ARHGAP28: variants seen among roughly 807,000 people sequenced by gnomAD.
The protein encoded by ARHGAP28 is Rho GTPase activating protein 28, also known as rho GTPase-activating protein 28.
Under a neutral mutation model 90.7 loss-of-function variants are expected in ARHGAP28, and 56 were observed. That is an observed-to-expected ratio of 0.62 (90% CI 0.50 to 0.77). The LOEUF (loss-of-function observed/expected upper bound fraction) is 0.77, where lower values mean the gene tolerates loss of function less well. ARHGAP28 is among the 30% of genes least tolerant of loss of function. The pLI is 0.00. For synonymous variants in ARHGAP28, 308 were observed against 323.3 expected (o/e 0.95, Z 0.51); for missense variants, 869 against 900.9 (o/e 0.96, Z 0.45).
chr18:6,750,286 G>A (rs2056058734), intron 1 of ARHGAP28, among the ~76,000 whole-genome samples: 1 of 152,088 alleles, frequency 6.6e-6, no homozygotes, highest in African/African-American at 2.4e-5. Flanking sequence ...AGTGAAGTAT[G>A]GTAATGTCAG....
intron 1 of ARHGAP28, among the ~76,000 whole-genome samples, chr18:6,810,222 C>A (rs2056546956): frequency 6.6e-6 from 1 of 152,048 alleles, no homozygotes; most frequent in African/African-American, 2.4e-5. Flanking sequence ...CTCAGAATTG[C>A]ATCAGCCCAT....
chr18:6,801,830 G>T (rs538491072), intron 1 of ARHGAP28, among the ~76,000 whole-genome samples: 1 of 151,764 alleles, frequency 6.6e-6, no homozygotes, highest in Non-Finnish European at 1.5e-5. Flanking sequence ...TAGCCCACCG[G>T]TCACCTTACT....
chr18:6,898,404 C>T (rs1408294707), intron 16 of ARHGAP28: 3 of 1,087,910 alleles, frequency 2.8e-6, no homozygotes, highest in African/African-American at 3.1e-5. Flanking sequence ...CATATACACA[C>T]ACACATTAAC....
intron 10 of ARHGAP28, 50 bp downstream of exon 10, chr18:6,876,258 C>T (rs760665719): frequency 3.7e-6 from 5 of 1,352,394 alleles, no homozygotes; most frequent in Non-Finnish European, 5.3e-6. Context: ...CTAGCTAGAC[C>T]CAGTTCACAC....
chr18:6,801,267 T>C (rs2056479764), intron 1 of ARHGAP28, among the ~76,000 whole-genome samples: 1 of 152,208 alleles, frequency 6.6e-6, no homozygotes, highest in African/African-American at 2.4e-5. Flanking sequence ...ATTGAAAAGA[T>C]GATCTTTTCC....
chr18:6,814,467 A>G (rs769635760), intron 1 of ARHGAP28, among the ~76,000 whole-genome samples: 5 of 152,232 alleles, frequency 3.3e-5, no homozygotes, highest in African/African-American at 7.2e-5. Flanking sequence ...GATACAATCA[A>G]GCAGAATTTA....
chr18:6,839,319 C>T (rs1001205052), intron 3 of ARHGAP28, among the ~76,000 whole-genome samples: 43 of 127,148 alleles, frequency 3.4e-4, no homozygotes, highest in African/African-American at 1.2e-3. Context: ...TTTGAGACAG[C>T]GTCTCGCTCT....
rs143790742 is a variant in ARHGAP28 at position 6,787,281 on chromosome 18, GAA to G, written c.123-37470_123-37469del. 6.6e-5 allele frequency among the ~76,000 whole-genome samples: 7 copies of G among 106,860 alleles called. No individual in the cohort carries two copies. In the East Asian group the frequency reaches 1.5e-3, roughly 22 times the overall value. The allele number at this position is 106,860 out of a possible 152,430, so 70.1% of individuals were successfully genotyped here. A position where few individuals can be genotyped will look rare whatever the true frequency, so the allele number is the denominator to read the frequency against. On this transcript the variant is annotated intron_variant, in intron 1 of 17. Transcript: ENST00000383472. Reference sequence around the variant, plus strand: ...CCTTGTAAATGTATTTTGAGGATAAGAAAAAAAAAAAACTAAAATAAGAATCA... The same window carrying G: ...CCTTGTAAATGTATTTTGAGGATAAGAAAAAAAAAACTAAAATAAGAATCA...
intron 1 of ARHGAP28, chr18:6,779,012 T>G (rs757448013): frequency 3.9e-5 from 6 of 152,242 alleles, no homozygotes; most frequent in Non-Finnish European, 7.3e-5. Context: ...GGTCAGAACA[T>G]CTGAAGTGAT....
intron 10 of ARHGAP28, 128 bp from the exon 11 acceptor site, chr18:6,882,009 A>G: frequency 1.3e-6 from 1 of 761,608 alleles, no homozygotes; most frequent in African/African-American, 1.8e-5. Flanking sequence ...AAAAAAAATT[A>G]CTCTTGGTAG....
At chr18:6,752,551 G>C (rs2056077884) in intron 1 of ARHGAP28, among the ~76,000 whole-genome samples, 2 of 152,162 alleles carry the variant, frequency 1.3e-5, no homozygotes, top group Admixed American at 6.5e-5. Flanking sequence ...TGTGTCTTCA[G>C]TGCAAACCTC....
chr18:6,831,471 G>GTTTTTTTTTTTT (rs57331018), intron 2 of ARHGAP28, among the ~76,000 whole-genome samples: 25 of 109,304 alleles, frequency 2.3e-4, no homozygotes, highest in Non-Finnish European at 3.3e-4. Flanking sequence ...GTATCTTGAT[G>GTTTTTTTTTTTT]TTTTTTTTTT....
intron 1 of ARHGAP28, among the ~76,000 whole-genome samples, chr18:6,751,150 T>G (rs2056065842): frequency 6.6e-6 from 1 of 152,170 alleles, no homozygotes; most frequent in Non-Finnish European, 1.5e-5. Context: ...ATGATTTTTT[T>G]TAATTGAAAA....
chr18:6,800,866 A>C (rs1040780440), intron 1 of ARHGAP28, among the ~76,000 whole-genome samples: 3 of 152,230 alleles, frequency 2.0e-5, no homozygotes, highest in African/African-American at 7.2e-5. Context: ...AATTTAAAAA[A>C]TACAGTGGTT....
intron 16 of ARHGAP28, among the ~76,000 whole-genome samples, chr18:6,902,125 T>G (rs1019172708): frequency 6.6e-6 from 1 of 152,182 alleles, no homozygotes; most frequent in Non-Finnish European, 1.5e-5. Context: ...GCATGAATTT[T>G]GGGGGACACT....
chr18:6,879,359 G>A (rs1233665287), intron 10 of ARHGAP28, among the ~76,000 whole-genome samples: 1 of 152,076 alleles, frequency 6.6e-6, no homozygotes, highest in Non-Finnish European at 1.5e-5. Context: ...CTGGTCATTT[G>A]CATTTGTATA....
intron 1 of ARHGAP28, among the ~76,000 whole-genome samples, chr18:6,749,533 A>T (rs1195306574): frequency 6.6e-6 from 1 of 152,220 alleles, no homozygotes; most frequent in Non-Finnish European, 1.5e-5. Context: ...CAATGTTCTA[A>T]CATTTCTATA....
chr18:6,841,040 A>G (rs1432535780), intron 3 of ARHGAP28, among the ~76,000 whole-genome samples: 1 of 151,728 alleles, frequency 6.6e-6, no homozygotes, highest in Non-Finnish European at 1.5e-5. Flanking sequence ...GAACTTTTTC[A>G]GTTTTCTATT....
intron 4 of ARHGAP28, among the ~76,000 whole-genome samples, chr18:6,852,883 C>T (rs1482861693): frequency 6.6e-6 from 1 of 152,196 alleles, no homozygotes; most frequent in Admixed American, 6.5e-5. Flanking sequence ...ATCTGTCTCA[C>T]TGAGCTGGGG....
Sources: gnomAD v4.1 joint callset for allele counts (sites outside exome capture counted in the v4.1 genomes callset) on GRCh38, gnomAD v4.1.1 for gene constraint, MANE v1.5 for transcripts, NCBI Gene and HGNC (gene_info 2026-07-23, HGNC 2026-07-21) for gene names.